Variants in ZMYM2 observed in about 807,000 individuals in gnomAD.
ZMYM2 encodes the protein zinc finger MYM-type protein 2.
ZMYM2 carries 56 observed loss-of-function variants against 162.8 expected under a neutral mutation model. That is an observed-to-expected ratio of 0.34 (90% CI 0.28 to 0.43). The LOEUF is 0.43. Among genes scored for constraint, ZMYM2 ranks in the 20% least tolerant of loss-of-function variants. The probability of loss-of-function intolerance (pLI) is 1.00; values close to 1 mark genes in which losing one functional copy is unlikely to be tolerated. For synonymous variants in ZMYM2, 510 were observed against 541.6 expected, an observed-to-expected ratio of 0.94 and a Z score of 0.81; for missense variants, 1,275 against 1,621.8, an observed-to-expected ratio of 0.79 and a Z score of 3.67.
In ZMYM2 at chr13:19,966,984, G is replaced by C. The variant is rs375754288; in HGVS notation, c.-11+6958G>C. Among the ~76,000 whole-genome samples, 271 of 152,262 alleles carry C rather than the reference G, an allele frequency of 1.8e-3. 9 individuals are homozygous for C. The South Asian group carries it at 0.054, about 30-fold the overall frequency. ...ACGGTTTTACATTGCTTATGGAAGA[G>C]AAGCTTCTGTTCCAGTTAGTCTCTC... is the stretch of plus-strand genomic sequence containing the variant. On this transcript the variant is annotated intron_variant, in intron 2 of 24. Transcript: ENST00000610343.
intron 2 of ZMYM2, among the ~76,000 whole-genome samples, chr13:19,988,457 A>G (rs1949351740): frequency 6.6e-6 from 1 of 152,162 alleles, no homozygotes; most frequent in African/African-American, 2.4e-5. Flanking sequence ...GTGCTCAAGC[A>G]TTGTGTTAGG....
chr13:20,031,077 A>AT (rs776637149), intron 9 of ZMYM2, among the ~76,000 whole-genome samples: 14 of 152,106 alleles, frequency 9.2e-5, no homozygotes, highest in South Asian at 2.1e-4. Context: ...TGAATGTATG[A>AT]TTTTTTCTTA....
chr13:19,934,766 TCTTTC>T, the ZMYM2 span, among the ~76,000 whole-genome samples: 2 of 21,050 alleles, frequency 9.5e-5, no homozygotes, highest in Non-Finnish European at 1.5e-3. Flanking sequence ...TTTCTTTCTT[TCTTTC>T]TTTTTTTTTT....
At chr13:19,910,406 C>G in the ZMYM2 span, among the ~76,000 whole-genome samples, 1 of 152,030 alleles carries the variant, frequency 6.6e-6, no homozygotes, top group Non-Finnish European at 1.5e-5. Flanking sequence ...CCAGACCTAT[C>G]TCGGTTTACT....
chr13:19,973,786 G>T (rs891751412), intron 2 of ZMYM2, among the ~76,000 whole-genome samples: 2 of 151,832 alleles, frequency 1.3e-5, no homozygotes, highest in South Asian at 4.2e-4. Context: ...TGCTGCCTAG[G>T]AGGTCTTTTG....
intron 2 of ZMYM2, among the ~76,000 whole-genome samples, chr13:19,975,731 G>A (rs1956720842): frequency 6.6e-6 from 1 of 152,104 alleles, no homozygotes; most frequent in African/African-American, 2.4e-5. Flanking sequence ...ATGTGACTTT[G>A]GGGAACCATT....
intron 3 of ZMYM2, among the ~76,000 whole-genome samples, chr13:19,996,810 C>T (rs943763979): frequency 5.9e-5 from 9 of 152,180 alleles, no homozygotes; most frequent in African/African-American, 2.2e-4. Context: ...TGTTTTAAGT[C>T]TGGGAGATCA....
intron 4 of ZMYM2, among the ~76,000 whole-genome samples, chr13:20,004,869 T>A (rs547762177): frequency 7.2e-5 from 11 of 152,330 alleles, no homozygotes; most frequent in Admixed American, 3.9e-4. Context: ...GGCAAAGATT[T>A]AATAGTATAA....
upstream of ZMYM2, among the ~76,000 whole-genome samples, chr13:19,954,477 A>G (rs1182028882): frequency 6.6e-6 from 1 of 152,102 alleles, no homozygotes; most frequent in African/African-American, 2.4e-5. Flanking sequence ...AGAGAAAGCT[A>G]TCTAGAGAGG....
intron 15 of ZMYM2, chr13:20,058,981 A>AT: frequency 2.0e-6 from 1 of 499,016 alleles, no homozygotes; most frequent in South Asian, 1.8e-5. Context: ...GACTACTAAA[A>AT]TTATAATGCT....
At chr13:19,901,065 C>G in the ZMYM2 span, among the ~76,000 whole-genome samples, 147 of 152,168 alleles carry the variant, frequency 9.7e-4, no homozygotes, top group Non-Finnish European at 1.7e-3. Context: ...TGCATTCATA[C>G]AGAGAGACAG....
chr13:19,988,375 G>C (rs1437784505), intron 2 of ZMYM2, among the ~76,000 whole-genome samples: 1 of 152,168 alleles, frequency 6.6e-6, no homozygotes, highest in Admixed American at 6.6e-5. Context: ...AAATAACTTT[G>C]ATAGTTAAAG....
the ZMYM2 span, among the ~76,000 whole-genome samples, chr13:19,932,253 C>A: frequency 6.6e-6 from 1 of 152,138 alleles, no homozygotes; most frequent in Admixed American, 6.6e-5. Flanking sequence ...GCCCTAGCCC[C>A]AATGTGATGG....
At chr13:19,911,045 T>G in the ZMYM2 span, among the ~76,000 whole-genome samples, 1 of 21,206 alleles carries the variant, frequency 4.7e-5, no homozygotes, top group Non-Finnish European at 2.2e-4. Context: ...GTTCCCAGTC[T>G]TTTTTTTTTT....
intron 21 of ZMYM2, among the ~76,000 whole-genome samples, chr13:20,068,840 T>G (rs1226802592): frequency 1.3e-5 from 2 of 152,160 alleles, no homozygotes; most frequent in African/African-American, 4.8e-5. Flanking sequence ...AGAGTTTGAG[T>G]TCTAGGCTCC....
chr13:20,070,319 G>T, intron 21 of ZMYM2: 1 of 219,200 alleles, frequency 4.6e-6, no homozygotes. Context: ...TGGGAATGGT[G>T]TATATTCTTT....
the ZMYM2 span, among the ~76,000 whole-genome samples, chr13:19,866,411 AT>A: frequency 1.3e-5 from 2 of 152,166 alleles, no homozygotes; most frequent in Non-Finnish European, 2.9e-5. Flanking sequence ...CACACTTGTA[AT>A]CCCAGCACTT....
At chr13:19,904,884 A>G in the ZMYM2 span, among the ~76,000 whole-genome samples, 1 of 152,226 alleles carries the variant, frequency 6.6e-6, no homozygotes, top group African/African-American at 2.4e-5. Flanking sequence ...TTTAAGCAGA[A>G]TAATATCCAC....
rs967420062 is a variant in ZMYM2, at chr13:20,026,445, TG to T, written c.1585-166del. 18 of 552,922 alleles carry T rather than the reference TG, an allele frequency of 3.3e-5. No individual in the cohort carries two copies. The African/African-American group carries it at 3.5e-4, about 11-fold the overall frequency. The allele number at this position is 552,922 out of a possible 1,614,324, so 34.3% of individuals were successfully genotyped here. ...ATTGCTTTGTTTGGACCTTAGCAGTTGTTGCATAGTTAATAGTTTGTATGTA... is the reference window on the plus strand; with the variant it reads ...ATTGCTTTGTTTGGACCTTAGCAGTTTTGCATAGTTAATAGTTTGTATGTA... On this transcript the variant is annotated intron_variant, in intron 7 of 24. Coordinates refer to ENST00000610343, the MANE Select transcript of ZMYM2 (RefSeq NM_197968.4).
Sources: gnomAD v4.1 joint callset for allele counts (sites outside exome capture counted in the v4.1 genomes callset) on GRCh38, gnomAD v4.1.1 for gene constraint, MANE v1.5 for transcripts, NCBI Gene and HGNC (gene_info 2026-07-23, HGNC 2026-07-21) for gene names.